Variants in ZFYVE28 observed in about 807,000 individuals in gnomAD.
ZFYVE28 encodes the protein lateral signaling target protein 2 homolog.
ZFYVE28 carries 40 observed loss-of-function variants against 82.1 expected under a neutral mutation model. The observed-to-expected ratio is 0.49, with a 90% CI of 0.38 to 0.63. The LOEUF (loss-of-function observed/expected upper bound fraction) is 0.63, where lower values mean the gene tolerates loss of function less well. Among genes scored for constraint, ZFYVE28 ranks in the 30% least tolerant of loss-of-function variants. The pLI, the probability that ZFYVE28 is intolerant of heterozygous loss-of-function variation, is 0.00. For synonymous variants in ZFYVE28, 612 were observed against 546.1 expected, an observed-to-expected ratio of 1.12 and a Z score of -1.68; for missense variants, 1,321 against 1,242.1, an observed-to-expected ratio of 1.06 and a Z score of -0.96.
intron 1 of ZFYVE28, among the ~76,000 whole-genome samples, chr4:2,376,321 G>A (rs1359787791): frequency 7.3e-6 from 1 of 137,238 alleles, no homozygotes; most frequent in African/African-American, 2.8e-5. Context: ...AGGATCATTT[G>A]AGCCCAGGAG....
chr4:2,388,093 A>G (rs550592909), intron 1 of ZFYVE28, among the ~76,000 whole-genome samples: 1 of 152,320 alleles, frequency 6.6e-6, no homozygotes, highest in East Asian at 1.9e-4. Context: ...ATAATGCAGC[A>G]CTCATCCAAG....
intron 8 of ZFYVE28, among the ~76,000 whole-genome samples, chr4:2,297,691 G>A (rs1184705980): frequency 6.6e-6 from 1 of 152,034 alleles, no homozygotes; most frequent in Non-Finnish European, 1.5e-5. Context: ...GGGGTGACAC[G>A]GTGATATAGC....
In ZFYVE28 at chr4:2,367,621, C is replaced by G. The variant is rs150710721; in HGVS notation, c.40-13548G>C. 2.4e-3 allele frequency among the ~76,000 whole-genome samples: 368 copies of G among 152,378 alleles called. 2 individuals carry two copies. The highest frequency in any genetic ancestry group is 6.1e-3 in the Admixed American group (93 of 15,304). The stretch of plus-strand genomic sequence containing the variant: ...CCTTTAATCAGAGGAGCAATTCAAA[C>G]ACCCAGACAGGGGTCCAAGGTTGTG... On this transcript the variant is annotated intron_variant, in intron 1 of 12. Transcript: ENST00000290974.
At chr4:2,336,914 GA>G (rs1348257926) in intron 5 of ZFYVE28, among the ~76,000 whole-genome samples, 4 of 136,606 alleles carry the variant, frequency 2.9e-5, no homozygotes, top group Non-Finnish European at 6.3e-5. Context: ...AGGAGGTGGG[GA>G]AGTGAGGAGG....
intron 1 of ZFYVE28, among the ~76,000 whole-genome samples, chr4:2,403,567 C>A (rs1367774127): frequency 6.6e-6 from 1 of 152,184 alleles, no homozygotes; most frequent in Non-Finnish European, 1.5e-5. Context: ...CTCACCAGGG[C>A]TGGGGCAGCT....
Position 2,300,972 on chromosome 4 carries a change from C to T in ZFYVE28, c.2051+3317G>A, listed in dbSNP as rs928069963. On this transcript the variant is annotated intron_variant, in intron 8 of 12. Transcript: ENST00000290974. The surrounding 1 kb of genome is among the most constrained non-coding windows in gnomAD (Gnocchi z 4.6). ...GTCTCTCCCACTGCAGAATGGGAGG[C>T]GTAACCAAACACAGCCACACCTGTG... Among the ~76,000 whole-genome samples the T allele has an allele frequency of 9.9e-5, 15 of 152,274 alleles. No individual in the cohort carries two copies. In the South Asian group the frequency reaches 2.3e-3, roughly 23 times the overall value.
intron 6 of ZFYVE28, among the ~76,000 whole-genome samples, chr4:2,333,569 C>T (rs1310191965): frequency 6.6e-6 from 1 of 152,230 alleles, no homozygotes; most frequent in East Asian, 1.9e-4. Context: ...CACCTGCACA[C>T]TCCAGGCCCG....
chr4:2,326,345 T>C (rs557795211), intron 6 of ZFYVE28, among the ~76,000 whole-genome samples: 3 of 152,360 alleles, frequency 2.0e-5, no homozygotes, highest in East Asian at 1.9e-4. Context: ...TGCTGAAAAT[T>C]AGTTGGGTTC....
At chr4:2,330,738 G>T in intron 6 of ZFYVE28, 3 of 1,475,380 alleles carry the variant, frequency 2.0e-6, no homozygotes, top group Non-Finnish European at 2.7e-6. Context: ...CATGGAAAAG[G>T]GGACAGTGCG....
In ZFYVE28 at chr4:2,332,253, A is replaced by C. The variant is rs1720830788; in HGVS notation, c.701+3452T>G. Among the ~76,000 whole-genome samples the C allele has an allele frequency of 6.6e-6, 1 of 152,122 alleles. No individual in the cohort carries two copies. The highest frequency in any genetic ancestry group is 2.4e-5 in the African/African-American group (1 of 41,428). ...GGGGGTCCCAGGATGCCCACTTCAC[A>C]GAGGCAGGATCCTGCGAGGGTGTGG... On this transcript the variant is annotated intron_variant, in intron 6 of 12. Transcript: ENST00000290974. This position sits in a 1 kb window ranked among gnomAD's most constrained non-coding sequence, Gnocchi z 4.7.
intron 6 of ZFYVE28, among the ~76,000 whole-genome samples, chr4:2,322,225 G>A (rs560832570): frequency 1.3e-5 from 2 of 152,318 alleles, no homozygotes; most frequent in South Asian, 2.1e-4. Context: ...AGCGGCCCCC[G>A]GGCGGCTGCC....
chr4:2,331,867 T>G (rs1294578886), intron 6 of ZFYVE28, among the ~76,000 whole-genome samples: 1 of 152,238 alleles, frequency 6.6e-6, no homozygotes, highest in East Asian at 1.9e-4. Flanking sequence ...TACCACTGCC[T>G]CTGCCCCAGG....
intron 1 of ZFYVE28, among the ~76,000 whole-genome samples, chr4:2,376,155 G>A (rs1332402383): frequency 2.0e-5 from 3 of 151,602 alleles, no homozygotes; most frequent in Non-Finnish European, 4.4e-5. Flanking sequence ...TTACAGGCAT[G>A]AGCCACCGTG....
At chr4:2,302,465 C>A (rs1308479141) in intron 8 of ZFYVE28, among the ~76,000 whole-genome samples, 1 of 152,200 alleles carries the variant, frequency 6.6e-6, no homozygotes, top group Non-Finnish European at 1.5e-5. Context: ...GCCCTAAGGA[C>A]AAAACAAAGA....
chr4:2,340,149 T>C (rs1035978028), intron 3 of ZFYVE28, among the ~76,000 whole-genome samples: 17 of 152,108 alleles, frequency 1.1e-4, no homozygotes, highest in African/African-American at 4.1e-4. Context: ...CCCCAGCCTA[T>C]CTAGGGAGCC....
chr4:2,387,710 C>G (rs1729422179), intron 1 of ZFYVE28, among the ~76,000 whole-genome samples: 1 of 152,140 alleles, frequency 6.6e-6, no homozygotes, highest in Non-Finnish European at 1.5e-5. Flanking sequence ...GCTTCTCCTG[C>G]CAAAAGAGCA....
chr4:2,375,356 G>C (rs4974680), intron 1 of ZFYVE28, among the ~76,000 whole-genome samples: 101,642 of 152,132 alleles, frequency 0.67, 34,301 homozygotes, highest in East Asian at 0.8. Flanking sequence ...GGGTCAATCA[G>C]CCGGGCCAGC....
At chr4:2,330,326 G>A (rs1488922600) in intron 6 of ZFYVE28, 1 of 989,668 alleles carries the variant, frequency 1.0e-6, no homozygotes, top group Non-Finnish European at 1.2e-6. Context: ...CCTGCTGGTG[G>A]GAGAGGGCTT....
At chr4:2,414,205 G>A (rs1666912028) in intron 1 of ZFYVE28, among the ~76,000 whole-genome samples, 1 of 152,264 alleles carries the variant, frequency 6.6e-6, no homozygotes, top group Non-Finnish European at 1.5e-5. Flanking sequence ...AGGTGACTGA[G>A]GCTGGGTTAA....
Sources: gnomAD v4.1 joint callset for allele counts (sites outside exome capture counted in the v4.1 genomes callset) on GRCh38, gnomAD v4.1.1 for gene constraint, Gnocchi (gnomAD v3.1) non-coding constraint, MANE v1.5 for transcripts, NCBI Gene and HGNC (gene_info 2026-07-23, HGNC 2026-07-21) for gene names.